Variants in SPAG17 observed in about 807,000 individuals in gnomAD.
The protein encoded by SPAG17 is sperm associated antigen 17, also known as sperm-associated antigen 17.
In SPAG17, 169 loss-of-function variants were observed where a neutral mutation model predicts 273.6. That is an observed-to-expected ratio of 0.62 (90% CI 0.55 to 0.70). The LOEUF is 0.70. Ranked by LOEUF, SPAG17 falls within the 30% of genes least tolerant of loss-of-function variation. The probability of loss-of-function intolerance (pLI) is 0.00; values close to 1 mark genes in which losing one functional copy is unlikely to be tolerated. For synonymous variants in SPAG17, 825 were observed against 873.2 expected (o/e 0.94, Z 0.97); for missense variants, 2,557 against 2,627.8 (o/e 0.97, Z 0.59).
At chr1:118,165,230 C>T (rs1338601069) in intron 1 of SPAG17, among the ~76,000 whole-genome samples, 3 of 152,148 alleles carry the variant, frequency 2.0e-5, no homozygotes, top group African/African-American at 7.2e-5. Flanking sequence ...TTCAGTAAAT[C>T]TAGGTTGGGG....
At chr1:118,100,630 C>A (rs1656006298) in intron 5 of SPAG17, among the ~76,000 whole-genome samples, 1 of 152,114 alleles carries the variant, frequency 6.6e-6, no homozygotes, top group Admixed American at 6.5e-5. Context: ...TGCCCATGGA[C>A]TTCATAATAT....
intron 3 of SPAG17, among the ~76,000 whole-genome samples, chr1:118,141,151 C>T (rs1468135977): frequency 2.6e-5 from 4 of 152,154 alleles, no homozygotes; most frequent in Non-Finnish European, 5.9e-5. Flanking sequence ...GCTTAATGTC[C>T]GTCTCCCCCA....
chr1:118,111,553 A>AACACACACACACACAC (rs61266210), intron 4 of SPAG17, among the ~76,000 whole-genome samples: 2,035 of 135,880 alleles, frequency 0.015, 52 homozygotes, highest in African/African-American at 0.043. Context: ...CTTTTAAAAC[A>AACACACACACACACAC]ACACACACAC....
At chr1:118,069,068 G>A (rs763904432) in intron 17 of SPAG17, among the ~76,000 whole-genome samples, 2 of 152,072 alleles carry the variant, frequency 1.3e-5, no homozygotes, top group South Asian at 4.1e-4. Context: ...AAAGTAGGCC[G>A]GGTGTGGTGG....
chr1:118,064,401 C>A (rs1652715009), intron 18 of SPAG17, among the ~76,000 whole-genome samples: 1 of 151,412 alleles, frequency 6.6e-6, no homozygotes, highest in Non-Finnish European at 1.5e-5. Context: ...GAATACTATG[C>A]AGCCATAAAA....
intron 15 of SPAG17, among the ~76,000 whole-genome samples, chr1:118,077,872 C>T (rs890497338): frequency 6.6e-6 from 1 of 152,150 alleles, no homozygotes; most frequent in Non-Finnish European, 1.5e-5. Flanking sequence ...TTCTGGAACT[C>T]AGGAAGCTGC....
chr1:117,996,405 G>A lies in SPAG17; in HGVS notation c.5018C>T (p.Thr1673Ile), dbSNP rs891783028. Residue 1673 changes from threonine (T) to isoleucine (I), a missense_variant, in exon 34 of 49, where the codon ACT (threonine) becomes ATT (isoleucine). Transcript: ENST00000336338. ...YLSLAYKESN[T>I]VVLQEPVQEQ... ...CTGCACTGGCTCTTGGAGAACAACA[G>A]TATTTGATTCTTTATATGCCAAAGA... 1 of 1,612,734 alleles carries A rather than the reference G, an allele frequency of 6.2e-7. No individual in the cohort carries two copies. Among genetic ancestry groups the A allele is most frequent in the African/African-American group, 1.3e-5 (1 of 74,836 alleles).
At chr1:118,108,377 TC>T (rs1387250169) in intron 4 of SPAG17, among the ~76,000 whole-genome samples, 30 of 152,136 alleles carry the variant, frequency 2.0e-4, no homozygotes, top group African/African-American at 6.5e-4. Flanking sequence ...AGTAAACCCT[TC>T]TCACTTATGG....
intron 48 of SPAG17, among the ~76,000 whole-genome samples, chr1:117,955,774 A>C (rs1054894477): frequency 2.6e-5 from 4 of 152,102 alleles, no homozygotes; most frequent in African/African-American, 9.7e-5. Context: ...AAAAAAAAAA[A>C]ATCATTGGAT....
intron 3 of SPAG17, among the ~76,000 whole-genome samples, chr1:118,134,282 G>A (rs887610507): frequency 6.6e-6 from 1 of 151,994 alleles, no homozygotes; most frequent in African/African-American, 2.4e-5. Context: ...ACTGAATAAG[G>A]ATTTAGAAAA....
intron 1 of SPAG17, among the ~76,000 whole-genome samples, chr1:118,154,305 A>T (rs1252238136): frequency 6.6e-6 from 1 of 152,212 alleles, no homozygotes; most frequent in East Asian, 1.9e-4. Flanking sequence ...GTTATGGTTT[A>T]GTGTCTAATC....
intron 17 of SPAG17, among the ~76,000 whole-genome samples, chr1:118,070,302 G>C (rs778859865): frequency 3.3e-5 from 5 of 152,170 alleles, no homozygotes; most frequent in African/African-American, 4.8e-5. Context: ...CAGAAATATA[G>C]AAAGTCTCAG....
intron 7 of SPAG17, among the ~76,000 whole-genome samples, chr1:118,096,973 G>A (rs571565651): frequency 8.5e-5 from 13 of 152,134 alleles, no homozygotes; most frequent in Non-Finnish European, 8.8e-5. Flanking sequence ...GGTGGCTCAC[G>A]CCTGTAATCC....
In SPAG17 at chr1:117,996,309, G is replaced by C. The variant is rs947901754; in HGVS notation, c.5053+61C>G. 1.9e-5 allele frequency: 29 copies of C among 1,534,860 alleles called. No homozygotes were observed. The Admixed American group carries it at 5.1e-4, about 27-fold the overall frequency. On this transcript the variant is annotated intron_variant, in intron 34 of 48. Transcript: ENST00000336338. ...AGATGACATGAAGATAGACTGGATAGTAAGGAGGATGAGAATTGGCAAAGA... is the reference window on the plus strand; with the variant it reads ...AGATGACATGAAGATAGACTGGATACTAAGGAGGATGAGAATTGGCAAAGA...
rs768622378 is a variant in SPAG17 at position 118,041,850 on chromosome 1, C to T, written c.3007G>A (p.Val1003Ile). 6.2e-7 allele frequency: 1 copy of T among 1,613,856 alleles called. No individual in the cohort carries two copies. The highest frequency in any genetic ancestry group is 1.7e-5 in the Admixed American group (1 of 59,988). Residue 1003 changes from valine (V) to isoleucine (I), a missense_variant, in exon 21 of 49, where the codon GTA (valine) becomes ATA (isoleucine). Val to Ile is a conservative substitution (Grantham distance 29). Coordinates refer to ENST00000336338, the MANE Select transcript of SPAG17 (RefSeq NM_206996.4). ...GGTTGGTGGGGGGACTCTTCTGTTA[C>T]TTCTTGGATCTTGACTTGTTCTTCT... ...SKEEQVKIQE[V>I]TEESPHQPEP...
intron 3 of SPAG17, among the ~76,000 whole-genome samples, chr1:118,117,253 A>T (rs886437792): frequency 1.3e-5 from 2 of 152,086 alleles, no homozygotes; most frequent in Non-Finnish European, 2.9e-5. Flanking sequence ...GTTACCCCAG[A>T]GTGGTTGTGG....
At chr1:118,043,567 A>G (rs1248404568) in intron 20 of SPAG17, among the ~76,000 whole-genome samples, 1 of 152,192 alleles carries the variant, frequency 6.6e-6, no homozygotes, top group East Asian at 1.9e-4. Flanking sequence ...TATCGTGACA[A>G]CATTATATAA....
chr1:118,057,366 T>A (rs1651816479), intron 18 of SPAG17, among the ~76,000 whole-genome samples: 1 of 152,098 alleles, frequency 6.6e-6, no homozygotes, highest in Non-Finnish European at 1.5e-5. Flanking sequence ...CCCCAAAGTA[T>A]ATTCTCAACA....
At chr1:118,159,724 C>T (rs1659819598) in intron 1 of SPAG17, among the ~76,000 whole-genome samples, 1 of 152,098 alleles carries the variant, frequency 6.6e-6, no homozygotes, top group African/African-American at 2.4e-5. Flanking sequence ...GAGTTCTTGG[C>T]CCATCCCACC....
Sources: gnomAD v4.1 joint callset for allele counts (sites outside exome capture counted in the v4.1 genomes callset) on GRCh38, gnomAD v4.1.1 for gene constraint, MANE v1.5 for transcripts, NCBI Gene and HGNC (gene_info 2026-07-23, HGNC 2026-07-21) for gene names.